The following ACSS3 variants were observed in gnomAD, a reference collection of about 807,000 sequenced individuals.
The protein encoded by ACSS3 is acyl-CoA synthetase short-chain family member 3, mitochondrial.
A neutral mutation model predicts 84.2 loss-of-function variants in ACSS3; 64 were observed. The observed-to-expected ratio is 0.76, with a 90% CI of 0.62 to 0.94. The LOEUF is 0.94. ACSS3 is among the 40% of genes least tolerant of loss of function. The probability of loss-of-function intolerance (pLI) is 0.00; values close to 1 mark genes in which losing one functional copy is unlikely to be tolerated. For missense variants in ACSS3, 815 were observed against 867.6 expected (o/e 0.94, Z 0.76); for synonymous variants, 317 against 310.1 (o/e 1.02, Z -0.23).
intron 11 of ACSS3, among the ~76,000 whole-genome samples, chr12:81,226,036 TA>T (rs2033261892): frequency 6.6e-6 from 1 of 151,882 alleles, no homozygotes; most frequent in Non-Finnish European, 1.5e-5. Flanking sequence ...CCACAAATTT[TA>T]AAAAGTATAG....
chr12:81,166,217 G>A (rs1887395452), intron 7 of ACSS3, among the ~76,000 whole-genome samples: 1 of 152,212 alleles, frequency 6.6e-6, no homozygotes, highest in Admixed American at 6.5e-5. Context: ...AGAATATTGA[G>A]AAGGAGGTTA....
chr12:81,107,991 G>A (rs571579822), intron 1 of ACSS3, among the ~76,000 whole-genome samples: 2 of 152,146 alleles, frequency 1.3e-5, no homozygotes, highest in African/African-American at 2.4e-5. Flanking sequence ...GTACATGGAT[G>A]AGCCCCAAAT....
chr12:81,213,580 TC>T (rs2032684079), intron 9 of ACSS3, among the ~76,000 whole-genome samples: 1 of 21,562 alleles, frequency 4.6e-5, no homozygotes, highest in Non-Finnish European at 1.2e-4. Context: ...TCCTCTCCTC[TC>T]CTCCCCTCCC....
chr12:81,152,026 G>C lies in ACSS3; in HGVS notation c.1028G>C (p.Gly343Ala), dbSNP rs751711020. 1.2e-6 allele frequency: 2 copies of C among 1,613,572 alleles called. No individual in the cohort carries two copies. The highest frequency in any genetic ancestry group is 1.7e-6 in the Non-Finnish European group (2 of 1,179,798). ...GTGTGGTGGGCAGCTTCTGACTTAG[G>C]CTGGGTTGTTGGACATTCCTATATC... ...GEVWWAASDL[G>A]WVVGHSYICY... Residue 343 changes from glycine (G) to alanine (A), a missense_variant, in exon 7 of 16, where the codon GGC becomes GCC. By Grantham distance (60) the Gly-to-Ala change is moderately conservative. Transcript: ENST00000548058.
At chr12:81,200,190 A>T (rs1223134901) in intron 9 of ACSS3, among the ~76,000 whole-genome samples, 1 of 152,166 alleles carries the variant, frequency 6.6e-6, no homozygotes. Flanking sequence ...GGATGGCTAT[A>T]TATATGAGAA....
Position 81,122,319 on chromosome 12 carries a change from C to T in ACSS3, c.457-12497C>T, listed in dbSNP as rs573651992. Among the ~76,000 whole-genome samples the T allele has an allele frequency of 2.6e-5, 4 of 151,832 alleles. No individual in the cohort carries two copies. In the South Asian group the frequency reaches 6.3e-4, roughly 24 times the overall value. Reference sequence around the variant, plus strand: ...TCATGGGCCCTGAGAATATCTCTACCGACTCTACTTGGAGAAACACTACAA... The same window carrying T: ...TCATGGGCCCTGAGAATATCTCTACTGACTCTACTTGGAGAAACACTACAA... On this transcript the variant is annotated intron_variant, in intron 2 of 15. Coordinates refer to ENST00000548058, the MANE Select transcript of ACSS3 (RefSeq NM_024560.4).
At chr12:81,157,726 G>A (rs1374703266) in intron 7 of ACSS3, among the ~76,000 whole-genome samples, 2 of 152,092 alleles carry the variant, frequency 1.3e-5, no homozygotes, top group Non-Finnish European at 2.9e-5. Flanking sequence ...AGAATCGCTT[G>A]AACCCAGGAG....
chr12:81,161,801 G>A (rs980186359), intron 7 of ACSS3, among the ~76,000 whole-genome samples: 1 of 149,826 alleles, frequency 6.7e-6, no homozygotes, highest in Admixed American at 6.8e-5. Context: ...GGCAAGGGGT[G>A]TGTGAGCATG....
At chr12:81,081,134 A>G (rs1040532572) in intron 1 of ACSS3, among the ~76,000 whole-genome samples, 1 of 152,196 alleles carries the variant, frequency 6.6e-6, no homozygotes, top group African/African-American at 2.4e-5. Context: ...CTCCCCTCAG[A>G]ACCCACAGGC....
intron 9 of ACSS3, among the ~76,000 whole-genome samples, chr12:81,200,312 A>G (rs892796833): frequency 1.3e-5 from 2 of 152,200 alleles, no homozygotes; most frequent in African/African-American, 2.4e-5. Flanking sequence ...CTTTATATGT[A>G]CATATTTTAT....
chr12:81,247,774 GA>G (rs927790703), intron 13 of ACSS3, among the ~76,000 whole-genome samples: 1 of 151,970 alleles, frequency 6.6e-6, no homozygotes. Context: ...ATTTCCTTCT[GA>G]AATGTTTGAT....
chr12:81,107,486 T>TG (rs1883116309), intron 1 of ACSS3, among the ~76,000 whole-genome samples: 1 of 120,656 alleles, frequency 8.3e-6, no homozygotes, highest in Non-Finnish European at 1.7e-5. Flanking sequence ...CCAGAAATGT[T>TG]TTTTTTTTCA....
At chr12:81,086,065 C>T (rs1593018946) in intron 1 of ACSS3, among the ~76,000 whole-genome samples, 1 of 152,114 alleles carries the variant, frequency 6.6e-6, no homozygotes, top group Non-Finnish European at 1.5e-5. Flanking sequence ...AACTTTGGCT[C>T]TTTGGCAAAC....
intron 9 of ACSS3, among the ~76,000 whole-genome samples, chr12:81,209,276 A>G (rs1372969017): frequency 6.6e-6 from 1 of 152,046 alleles, no homozygotes; most frequent in African/African-American, 2.4e-5. Context: ...GCAGGCTAGG[A>G]GAATGTTTTT....
At chr12:81,128,789 C>G (rs1045566418) in intron 2 of ACSS3, among the ~76,000 whole-genome samples, 1 of 152,066 alleles carries the variant, frequency 6.6e-6, no homozygotes, top group East Asian at 1.9e-4. Context: ...CTGTTTTCTT[C>G]TTTGATAATT....
intron 1 of ACSS3, among the ~76,000 whole-genome samples, chr12:81,084,758 A>G (rs1181732388): frequency 6.6e-6 from 1 of 152,230 alleles, no homozygotes; most frequent in Non-Finnish European, 1.5e-5. Context: ...TGTAAAGGAG[A>G]GAAAAGATAA....
intron 11 of ACSS3, among the ~76,000 whole-genome samples, chr12:81,226,196 C>G (rs369954965): frequency 2.6e-4 from 39 of 152,044 alleles, no homozygotes; most frequent in African/African-American, 9.4e-4. Context: ...TGCTTTCAAA[C>G]AAAATTTACA....
Position 81,260,124 on chromosome 12 carries a change from A to G in ACSS3, c.*5202A>G, listed in dbSNP as rs993976599. On this transcript the variant is annotated 3_prime_UTR_variant, in exon 16 of 16. Coordinates refer to ENST00000548058, the MANE Select transcript of ACSS3 (RefSeq NM_024560.4). The stretch of plus-strand genomic sequence containing the variant: ...TTGTGTCAGTAGTATGGCATTGCTG[A>G]TTGTTTTCAGCCATAATGTACTTAG... 4.6e-5 allele frequency: 7 copies of G among 152,566 alleles called. No homozygotes were observed. Among genetic ancestry groups the G allele is most frequent in the African/African-American group, 1.7e-4 (7 of 41,446 alleles). The allele number at this position is 152,566 out of a possible 1,614,324, so 9.5% of individuals were successfully genotyped here. A position where few individuals can be genotyped will look rare whatever the true frequency, so the allele number is the denominator to read the frequency against.
intron 1 of ACSS3, among the ~76,000 whole-genome samples, chr12:81,087,695 T>C (rs1415293440): frequency 2.0e-5 from 3 of 152,132 alleles, no homozygotes; most frequent in Non-Finnish European, 4.4e-5. Context: ...TGATTTTCAA[T>C]TGAGAGGCAA....
Sources: allele counts gnomAD v4.1 joint callset (sites outside exome capture counted in the v4.1 genomes callset), GRCh38; gene constraint gnomAD v4.1.1; transcripts MANE v1.5; gene names NCBI Gene and HGNC (gene_info 2026-07-23, HGNC 2026-07-21).